Variants in SLC16A7 observed in about 807,000 individuals in gnomAD.
SLC16A7 encodes solute carrier family 16 member 7.
In SLC16A7, 33 loss-of-function variants were observed where a neutral mutation model predicts 34.9. That is an observed-to-expected ratio of 0.94 (90% CI 0.72 to 1.26). The LOEUF is 1.26. SLC16A7 is among the 50% of genes most tolerant of loss of function. The probability of loss-of-function intolerance (pLI) is 0.00; values close to 1 mark genes in which losing one functional copy is unlikely to be tolerated. For synonymous variants in SLC16A7, 201 were observed against 206.6 expected, an observed-to-expected ratio of 0.97 and a Z score of 0.23; for missense variants, 573 against 578.1, an observed-to-expected ratio of 0.99 and a Z score of 0.09.
intron 1 of SLC16A7, among the ~76,000 whole-genome samples, chr12:59,620,924 T>C (rs1879670737): frequency 6.6e-6 from 1 of 151,924 alleles, no homozygotes; most frequent in South Asian, 2.1e-4. Flanking sequence ...CCTTCTATTT[T>C]CCTTAGCTAT....
Position 59,686,071 on chromosome 12 carries a change from G to A in SLC16A7, c.-30-18701G>A, listed in dbSNP as rs375047787. ...TGCTTATATAATGTAATTTCTTCAA[G>A]TGATTCTTTCAAAAAGAACTTTTCT... On this transcript the variant is annotated intron_variant, in intron 2 of 5. Coordinates refer to ENST00000547379, the MANE Select transcript of SLC16A7 (RefSeq NM_001270623.2). 1.4e-3 allele frequency among the ~76,000 whole-genome samples: 200 copies of A among 145,676 alleles called. 1 individual carries two copies. Among genetic ancestry groups the A allele is most frequent in the Middle Eastern group, 7.1e-3 (2 of 282 alleles).
chr12:59,719,841 A>T (rs1395446133), intron 3 of SLC16A7: 1 of 423,270 alleles, frequency 2.4e-6, no homozygotes, highest in African/African-American at 2.1e-5. Context: ...CACAGCATGA[A>T]TAAAAGCTCC....
At chr12:59,763,822 T>A (rs1301687637) in intron 3 of SLC16A7, 1 of 152,154 alleles carries the variant, frequency 6.6e-6, no homozygotes, top group Non-Finnish European at 1.5e-5. Context: ...CTGTTATGGT[T>A]ATCTTTGATG....
intron 2 of SLC16A7, among the ~76,000 whole-genome samples, chr12:59,691,290 T>C (rs1157139943): frequency 6.6e-6 from 1 of 151,978 alleles, no homozygotes; most frequent in African/African-American, 2.4e-5. Context: ...GCCCCGAATA[T>C]ACACTCCAAT....
chr12:59,666,075 G>A (rs17122807), intron 2 of SLC16A7, among the ~76,000 whole-genome samples: 5,796 of 152,116 alleles, frequency 0.038, 154 homozygotes, highest in Middle Eastern at 0.099. Flanking sequence ...GGAGTTGATA[G>A]GAATTTGGAA....
At chr12:59,645,390 A>T (rs1880862421) in intron 1 of SLC16A7, among the ~76,000 whole-genome samples, 1 of 152,122 alleles carries the variant, frequency 6.6e-6, no homozygotes, top group Non-Finnish European at 1.5e-5. Flanking sequence ...GGAGAGACCC[A>T]CATGCTGCTC....
In SLC16A7 at chr12:59,733,179, G is replaced by A. The variant is rs540601580; in HGVS notation, c.217+28161G>A. ...CCAGCCCAAAACCTCTGTGACCAGCGGCGCCTTTGTCCAAGTTTTGTTCAA... is the reference window on the plus strand; with the variant it reads ...CCAGCCCAAAACCTCTGTGACCAGCAGCGCCTTTGTCCAAGTTTTGTTCAA... On this transcript the variant is annotated intron_variant, in intron 3 of 5. Coordinates refer to ENST00000547379, the MANE Select transcript of SLC16A7 (RefSeq NM_001270623.2). Among the ~76,000 whole-genome samples, 6 of 152,282 alleles carry A rather than the reference G, an allele frequency of 3.9e-5. No individual in the cohort carries two copies. In the East Asian group the frequency reaches 9.7e-4, roughly 25 times the overall value.
intron 2 of SLC16A7, among the ~76,000 whole-genome samples, chr12:59,671,207 A>G (rs376436650): frequency 6.6e-6 from 1 of 152,128 alleles, no homozygotes; most frequent in South Asian, 2.1e-4. Flanking sequence ...CAAGTTACCA[A>G]ATCTCACATA....
intron 3 of SLC16A7, among the ~76,000 whole-genome samples, chr12:59,708,984 C>A (rs1565663778): frequency 6.6e-6 from 1 of 151,540 alleles, no homozygotes; most frequent in African/African-American, 2.4e-5. Flanking sequence ...AGTGTGGTCA[C>A]CCCATTAATA....
chr12:59,657,966 C>A (rs1868624170), intron 2 of SLC16A7, among the ~76,000 whole-genome samples: 1 of 151,878 alleles, frequency 6.6e-6, no homozygotes, highest in Non-Finnish European at 1.5e-5. Flanking sequence ...CTGTTTTGCT[C>A]TTACAAAACA....
intron 1 of SLC16A7, among the ~76,000 whole-genome samples, chr12:59,609,538 G>A (rs1048148773): frequency 5.3e-5 from 8 of 151,858 alleles, no homozygotes; most frequent in African/African-American, 1.9e-4. Flanking sequence ...GGGGTTGGAG[G>A]GTTGAGGATG....
chr12:59,750,554 G>A (rs1469441043), intron 3 of SLC16A7, among the ~76,000 whole-genome samples: 1 of 152,112 alleles, frequency 6.6e-6, no homozygotes, highest in Non-Finnish European at 1.5e-5. Context: ...AAAAAGTCAG[G>A]AAACAACAGA....
intron 3 of SLC16A7, among the ~76,000 whole-genome samples, chr12:59,721,201 G>C (rs1425540044): frequency 6.6e-6 from 1 of 151,936 alleles, no homozygotes; most frequent in African/African-American, 2.4e-5. Flanking sequence ...CAAAGCCACT[G>C]TCTTCCCTCC....
intron 3 of SLC16A7, among the ~76,000 whole-genome samples, chr12:59,711,887 A>C: frequency 6.6e-6 from 1 of 152,216 alleles, no homozygotes; most frequent in African/African-American, 2.4e-5. Flanking sequence ...TGGATTATTA[A>C]TTATGTAATT....
At chr12:59,681,159 T>C (rs997414211) in intron 2 of SLC16A7, among the ~76,000 whole-genome samples, 1 of 152,240 alleles carries the variant, frequency 6.6e-6, no homozygotes, top group African/African-American at 2.4e-5. Context: ...TCATTGTGTT[T>C]AGAGTCTCAA....
At chr12:59,677,369 C>G (rs185790229) in intron 2 of SLC16A7, among the ~76,000 whole-genome samples, 108 of 152,204 alleles carry the variant, frequency 7.1e-4, no homozygotes, top group African/African-American at 2.5e-3. Context: ...TGTTTATTAA[C>G]AAAGCTAGTG....
intron 2 of SLC16A7, among the ~76,000 whole-genome samples, chr12:59,673,458 A>G (rs2137057452): frequency 6.6e-6 from 1 of 151,584 alleles, no homozygotes; most frequent in South Asian, 2.1e-4. Flanking sequence ...TTACTTATAG[A>G]CTAGGCAAGT....
At chr12:59,733,664 C>T (rs1201465336) in intron 3 of SLC16A7, 3 of 454,786 alleles carry the variant, frequency 6.6e-6, no homozygotes, top group South Asian at 1.6e-5. Context: ...ATGGCAATCC[C>T]GGAGTGTTTC....
intron 1 of SLC16A7, among the ~76,000 whole-genome samples, chr12:59,611,920 C>T (rs1256398704): frequency 1.3e-5 from 2 of 152,234 alleles, no homozygotes. Context: ...TCACCTGTGG[C>T]TTTGCAGGAT....
Sources: allele counts gnomAD v4.1 joint callset (sites outside exome capture counted in the v4.1 genomes callset), GRCh38; gene constraint gnomAD v4.1.1; transcripts MANE v1.5; gene names NCBI Gene and HGNC (gene_info 2026-07-23, HGNC 2026-07-21).